Variants in SORCS2 observed in about 807,000 individuals in gnomAD.
SORCS2 encodes sortilin related VPS10 domain containing receptor 2, also known as VPS10 domain-containing receptor SorCS2.
Under a neutral mutation model 141.6 loss-of-function variants are expected in SORCS2, and 100 were observed. That is an observed-to-expected ratio of 0.71 (90% CI 0.60 to 0.83). The LOEUF (loss-of-function observed/expected upper bound fraction) is 0.83. Ranked by LOEUF, SORCS2 falls within the 40% of genes least tolerant of loss-of-function variation. The pLI is 0.00. For missense variants in SORCS2, 1,646 were observed against 1,560.2 expected (o/e 1.05, Z -0.93); for synonymous variants, 789 against 676.9 (o/e 1.17, Z -2.57).
At chr4:7,595,739 C>T (rs574477574) in intron 3 of SORCS2, among the ~76,000 whole-genome samples, 1 of 152,278 alleles carries the variant, frequency 6.6e-6, no homozygotes, top group East Asian at 1.9e-4. Flanking sequence ...AGATTTGCTG[C>T]CCTGGTTCTG....
intron 2 of SORCS2, among the ~76,000 whole-genome samples, chr4:7,530,292 C>T (rs994312467): frequency 2.6e-5 from 4 of 152,234 alleles, no homozygotes; most frequent in South Asian, 2.1e-4. Context: ...AGGCCACACA[C>T]GTCAGTGCAG....
chr4:7,343,044 C>T (rs1359825763), intron 1 of SORCS2, among the ~76,000 whole-genome samples: 3 of 152,294 alleles, frequency 2.0e-5, no homozygotes, highest in Admixed American at 6.5e-5. Flanking sequence ...GACAGAGCAA[C>T]GTTGACGTAG....
chr4:7,440,715 C>T (rs146711013), intron 2 of SORCS2, among the ~76,000 whole-genome samples: 40 of 152,356 alleles, frequency 2.6e-4, no homozygotes, highest in African/African-American at 8.4e-4. Context: ...GCTGCCTCTC[C>T]TCCCCTCTGC....
chr4:7,352,897 C>A (rs1190251412), intron 1 of SORCS2, among the ~76,000 whole-genome samples: 1 of 151,150 alleles, frequency 6.6e-6, no homozygotes, highest in Admixed American at 6.6e-5. Flanking sequence ...AATCTTATAA[C>A]CACGGTTCCT....
At chr4:7,489,140 G>A (rs965801597) in intron 2 of SORCS2, among the ~76,000 whole-genome samples, 12 of 152,160 alleles carry the variant, frequency 7.9e-5, no homozygotes, top group African/African-American at 2.7e-4. Context: ...GCTGAAATCC[G>A]TGCAACGCTG....
At chr4:7,681,046 T>C (rs1723494347) in intron 9 of SORCS2, among the ~76,000 whole-genome samples, 1 of 152,234 alleles carries the variant, frequency 6.6e-6, no homozygotes, top group African/African-American at 2.4e-5. Flanking sequence ...GATATTTAGA[T>C]GAGACTTTTG....
At chr4:7,434,776 T>C in intron 2 of SORCS2, 1 of 1,612,262 alleles carries the variant, frequency 6.2e-7, no homozygotes, top group Non-Finnish European at 8.5e-7. Flanking sequence ...CTGCAGATCC[T>C]GACACCACAC....
intron 1 of SORCS2, among the ~76,000 whole-genome samples, chr4:7,354,364 G>A (rs1577436417): frequency 6.6e-6 from 1 of 151,924 alleles, no homozygotes; most frequent in Non-Finnish European, 1.5e-5. Context: ...CCAGGTACCC[G>A]CTGGGGGCTC....
intron 2 of SORCS2, among the ~76,000 whole-genome samples, chr4:7,517,690 A>G (rs570028349): frequency 6.6e-6 from 1 of 152,320 alleles, no homozygotes; most frequent in African/African-American, 2.4e-5. Context: ...GACATTTTTT[A>G]AAAAGCTGCA....
chr4:7,705,167 G>C (rs535562373), intron 14 of SORCS2, among the ~76,000 whole-genome samples: 76 of 152,280 alleles, frequency 5.0e-4, no homozygotes, highest in Admixed American at 1.3e-3. Context: ...ACAGGCCTTG[G>C]GGGAGGAGGC....
At chr4:7,314,333 T>G (rs59893073) in intron 1 of SORCS2, among the ~76,000 whole-genome samples, 1 of 98,508 alleles carries the variant, frequency 1.0e-5, no homozygotes, top group Non-Finnish European at 2.2e-5. Flanking sequence ...CTTTTTTTTA[T>G]TTTTTTTATT....
chr4:7,384,968 C>T (rs1723204999), intron 1 of SORCS2, among the ~76,000 whole-genome samples: 1 of 152,250 alleles, frequency 6.6e-6, no homozygotes, highest in Non-Finnish European at 1.5e-5. Flanking sequence ...AAGGCCTGTA[C>T]TCACTGCAGC....
chr4:7,460,576 CTG>C (rs1237161916), intron 2 of SORCS2, among the ~76,000 whole-genome samples: 2 of 152,240 alleles, frequency 1.3e-5, no homozygotes, highest in Non-Finnish European at 2.9e-5. Flanking sequence ...ATTTCCATGA[CTG>C]GAGTGGCATC....
chr4:7,418,097 C>G (rs182309574), intron 2 of SORCS2, among the ~76,000 whole-genome samples: 1 of 152,198 alleles, frequency 6.6e-6, no homozygotes, highest in African/African-American at 2.4e-5. Flanking sequence ...CTTCCTCCTC[C>G]TCCTCACCAC....
intron 2 of SORCS2, among the ~76,000 whole-genome samples, chr4:7,526,749 G>A (rs1733721134): frequency 6.6e-6 from 1 of 152,188 alleles, no homozygotes; most frequent in African/African-American, 2.4e-5. Context: ...GACGGTGGGG[G>A]CCGAAGGTGT....
chr4:7,636,021 A>T (rs1233397894), intron 3 of SORCS2, among the ~76,000 whole-genome samples: 1 of 152,122 alleles, frequency 6.6e-6, no homozygotes, highest in Non-Finnish European at 1.5e-5. Flanking sequence ...TCTTCTGGAG[A>T]TATTTTGGGG....
Position 7,489,765 on chromosome 4 carries a change from T to C in SORCS2, c.549-41765T>C, listed in dbSNP as rs369228496. 4.6e-5 allele frequency among the ~76,000 whole-genome samples: 7 copies of C among 152,306 alleles called. 1 individual carries two copies. The highest frequency in any genetic ancestry group is 1.7e-4 in the African/African-American group (7 of 41,568). ...GAGTCTGTGTTTTGGAAAACACAAA[T>C]GCCTGACAAACCCCTGTCAAAAGCC... On this transcript the variant is annotated intron_variant, in intron 2 of 26. Coordinates refer to ENST00000507866, the MANE Select transcript of SORCS2 (RefSeq NM_020777.3).
At chr4:7,211,846 A>G (rs1390029874) in intron 1 of SORCS2, among the ~76,000 whole-genome samples, 3 of 151,972 alleles carry the variant, frequency 2.0e-5, no homozygotes, top group Non-Finnish European at 4.4e-5. Flanking sequence ...AGCGGGCCTC[A>G]CTCTGTCGGC....
intron 17 of SORCS2, 124 bp downstream of exon 17, chr4:7,715,435 G>T (rs950192983): frequency 7.0e-7 from 1 of 1,425,300 alleles, no homozygotes; most frequent in Non-Finnish European, 9.4e-7. Flanking sequence ...CGGGGAAAGA[G>T]AGGTCAAAGT....
Sources: allele counts gnomAD v4.1 joint callset (sites outside exome capture counted in the v4.1 genomes callset), GRCh38; gene constraint gnomAD v4.1.1; transcripts MANE v1.5; gene names NCBI Gene and HGNC (gene_info 2026-07-23, HGNC 2026-07-21).